Variants in CCDC180 observed in about 807,000 individuals in gnomAD.
CCDC180 encodes the protein coiled-coil domain-containing protein 180.
A neutral mutation model predicts 209.2 loss-of-function variants in CCDC180; 154 were observed. The ratio of observed to expected loss-of-function variants is 0.74; its 90% CI spans 0.65 to 0.84. CCDC180 has a LOEUF of 0.84. Among genes scored for constraint, CCDC180 ranks in the 40% least tolerant of loss-of-function variants. The pLI is 0.00. For synonymous variants in CCDC180, 778 were observed against 749.1 expected (o/e 1.04, Z -0.63); for missense variants, 1,874 against 1,997.3 (o/e 0.94, Z 1.18).
Position 97,362,315 on chromosome 9 carries a change from G to T in CCDC180, c.3776G>T (p.Cys1259Phe). The T allele has an allele frequency of 6.2e-7, 1 of 1,614,172 alleles. No homozygotes were observed. Among genetic ancestry groups the T allele is most frequent in the Admixed American group, 1.7e-5 (1 of 60,024 alleles). Reference sequence around the variant, plus strand: ...GAGGCAGGGGCTGGTGGTGCTGTGTGCTCACCTCCTGTCCTCTGCTCCTGT... The same window carrying T: ...GAGGCAGGGGCTGGTGGTGCTGTGTTCTCACCTCCTGTCCTCTGCTCCTGT... The part of the protein sequence containing the change: ...SSEAGAGGAV[C>F]SPPVLCSCPG... The change falls in exon 28 of 37, where the codon TGC (cysteine) becomes TTC (phenylalanine). Residue 1259 changes from cysteine to phenylalanine, a missense_variant. Physicochemically the swap from Cys to Phe is radical, Grantham distance 205. Coordinates refer to ENST00000529487, the MANE Select transcript of CCDC180 (RefSeq NM_020893.6).
chr9:97,334,088 G>GCATA (rs1825831359), intron 18 of CCDC180, among the ~76,000 whole-genome samples: 1 of 151,578 alleles, frequency 6.6e-6, no homozygotes, highest in Non-Finnish European at 1.5e-5. Context: ...AAGTATTTTT[G>GCATA]CATACATGTT....
At chr9:97,312,063 A>G (rs746618586) in intron 3 of CCDC180, 50 bp from the exon 4 acceptor site, 10 of 1,544,606 alleles carry the variant, frequency 6.5e-6, no homozygotes, top group Admixed American at 1.7e-5. Context: ...CAGAGCTGCC[A>G]TGGATGGCAT....
Position 97,320,128 on chromosome 9 carries a change from A to C in CCDC180, c.1082A>C (p.Asp361Ala), listed in dbSNP as rs1188536129. 14 of 1,613,568 alleles carry C rather than the reference A, an allele frequency of 8.7e-6. No homozygotes were observed. The highest frequency in any genetic ancestry group is 1.0e-5 in the Non-Finnish European group (12 of 1,179,860). Residue 361 changes from aspartate (D) to alanine (A), a missense_variant and splice_region_variant, in exon 11 of 37, where the codon GAC (aspartate) becomes GCC (alanine). Asp to Ala is a moderately radical substitution (Grantham distance 126). Transcript: ENST00000529487. ...RRLKHLCTICDLLPPSYSKTQ... is the reference protein window; with the variant it reads ...RRLKHLCTICALLPPSYSKTQ... The stretch of plus-strand genomic sequence containing the variant: ...ACTTGCTGTATCTTCCTTCCCAGTG[A>C]CCTCCTGCCCCCCAGTTACAGCAAA...
At chr9:97,370,500 C>A in intron 32 of CCDC180, 141 bp from the exon 33 acceptor site, 1 of 932,612 alleles carries the variant, frequency 1.1e-6, no homozygotes. Context: ...ACCCCTCTGC[C>A]ACTCTTCTGC....
rs1832853003 is a variant in CCDC180 at position 97,308,029 on chromosome 9, G to C, written c.-35G>C. On this transcript the variant is annotated 5_prime_UTR_variant, in exon 2 of 37. Transcript: ENST00000529487. ...AGCCTAGACGCGTTTCCTGGACGACGGCTTCCCGGCAGGGGCATCCAGCCA... is the reference window on the plus strand; with the variant it reads ...AGCCTAGACGCGTTTCCTGGACGACCGCTTCCCGGCAGGGGCATCCAGCCA... 6.2e-7 allele frequency: 1 copy of C among 1,611,912 alleles called. No individual in the cohort carries two copies. The highest frequency in any genetic ancestry group is 1.7e-5 in the Admixed American group (1 of 59,434).
chr9:97,377,024 A>T lies in CCDC180; in HGVS notation c.*130A>T. 3 of 1,038,684 alleles carry T rather than the reference A, an allele frequency of 2.9e-6. No homozygotes were observed. Among genetic ancestry groups the T allele is most frequent in the Non-Finnish European group, 4.0e-6 (3 of 741,602 alleles). The allele number at this position is 1,038,684 out of a possible 1,614,324, so 64.3% of individuals were successfully genotyped here. On this transcript the variant is annotated 3_prime_UTR_variant, in exon 37 of 37. Transcript: ENST00000529487. ...ACCCCTGCTCTGTGCCGGGCACTGT[A>T]GCTTTACCAGCGAACAGGACACAGC...
chr9:97,350,603 T>G, intron 22 of CCDC180, 48 bp downstream of exon 22: 1 of 1,523,198 alleles, frequency 6.6e-7, no homozygotes, highest in South Asian at 1.2e-5. Flanking sequence ...AGTTTCTCTA[T>G]TGGGATGTGG....
At position 97,362,303 on chromosome 9, in the gene CCDC180, G is replaced by A. The variant is rs746321110; in HGVS notation, c.3764G>A (p.Gly1255Asp). The change falls in exon 28 of 37, where the codon GGT becomes GAT. Residue 1255 changes from glycine (G) to aspartate (D), a missense_variant. Transcript: ENST00000529487. ...CGGGGCAGCAGTGAGGCAGGGGCTG[G>A]TGGTGCTGTGTGCTCACCTCCTGTC... ...GSRGSSEAGAGGAVCSPPVLC... is the reference protein window; with the variant it reads ...GSRGSSEAGADGAVCSPPVLC... The A allele has an allele frequency of 6.2e-7, 1 of 1,614,016 alleles. No homozygotes were observed. The highest frequency in any genetic ancestry group is 1.7e-5 in the Admixed American group (1 of 59,994).
intron 24 of CCDC180, among the ~76,000 whole-genome samples, chr9:97,357,291 C>T (rs1349743156): frequency 6.6e-6 from 1 of 152,142 alleles, no homozygotes; most frequent in South Asian, 2.1e-4. Context: ...CTTAGGGTGC[C>T]TCGTGGAAGC....
At chr9:97,343,294 T>C (rs377441754) in intron 18 of CCDC180, 46 bp from the exon 19 acceptor site, 3 of 1,303,124 alleles carry the variant, frequency 2.3e-6, no homozygotes, top group Non-Finnish European at 3.3e-6. Context: ...CATTCCCAAG[T>C]CCATTTGATG....
At chr9:97,322,962 GC>G (rs774922108) in intron 12 of CCDC180, 41 bp downstream of exon 12, 8 of 1,566,374 alleles carry the variant, frequency 5.1e-6, no homozygotes, top group Non-Finnish European at 7.0e-6. Flanking sequence ...GGAATCCTGG[GC>G]AGGACCTGAA....
rs1399118654 is a variant in CCDC180, at chr9:97,330,714, G to A, written c.2221G>A (p.Glu741Lys). 1 of 1,605,264 alleles carries A rather than the reference G, an allele frequency of 6.2e-7. No individual in the cohort carries two copies. The change falls in exon 18 of 37, where the codon GAG (glutamate) becomes AAG (lysine). Residue 741 changes from glutamate (E) to lysine (K), a missense_variant. Coordinates refer to ENST00000529487, the MANE Select transcript of CCDC180 (RefSeq NM_020893.6). ...EEEEEEKLEE[E>K]KEEKEAQEEQ... ...GGAGGAGGAGGAGAAGCTGGAGGAAGAGAAGGAGGAGAAGGAGGCACAGGA... is the reference window on the plus strand; with the variant it reads ...GGAGGAGGAGGAGAAGCTGGAGGAAAAGAAGGAGGAGAAGGAGGCACAGGA...
At chr9:97,347,922 C>G (rs1359471226) in intron 20 of CCDC180, among the ~76,000 whole-genome samples, 1 of 152,166 alleles carries the variant, frequency 6.6e-6, no homozygotes, top group Non-Finnish European at 1.5e-5. Context: ...TGACTCCTCT[C>G]TCACCTGCAG....
intron 32 of CCDC180, among the ~76,000 whole-genome samples, chr9:97,370,308 G>A (rs1827044123): frequency 6.6e-6 from 1 of 152,170 alleles, no homozygotes. Flanking sequence ...TAATGGGTGG[G>A]TGTGCTGGGT....
Position 97,313,228 on chromosome 9 carries a change from C to G in CCDC180, c.350-8C>G. 6.3e-7 allele frequency: 1 copy of G among 1,597,322 alleles called. No individual in the cohort carries two copies. The highest frequency in any genetic ancestry group is 1.3e-5 in the African/African-American group (1 of 74,622). On this transcript the variant is annotated splice_polypyrimidine_tract_variant and splice_region_variant and intron_variant, in intron 4 of 36. Transcript: ENST00000529487. The stretch of plus-strand genomic sequence containing the variant: ...GGCAGCCTCATCACCTCTGTTGTTG[C>G]TCCGCAGTTCCTGAGAAGATAAGCA...
chr9:97,367,916 A>G (rs1177054474), intron 31 of CCDC180, among the ~76,000 whole-genome samples: 2 of 152,202 alleles, frequency 1.3e-5, no homozygotes, highest in East Asian at 3.8e-4. Flanking sequence ...TGGTTGTTGA[A>G]TGACTGGAAT....
At position 97,333,510 on chromosome 9, in the gene CCDC180, T is replaced by G. The variant is rs907096894; in HGVS notation, c.2274+2743T>G. 5.0e-4 allele frequency among the ~76,000 whole-genome samples: 75 copies of G among 148,558 alleles called. 1 individual carries two copies. In the East Asian group the frequency reaches 8.5e-3, roughly 17 times the overall value. Reference sequence around the variant, plus strand: ...ATTTGGTCCTGGGTTTGGGTTTTTTTTTTTTTTTTTTTTTTTTTTGGTTTG... The same window carrying G: ...ATTTGGTCCTGGGTTTGGGTTTTTTGTTTTTTTTTTTTTTTTTTTGGTTTG... On this transcript the variant is annotated intron_variant, in intron 18 of 36. Coordinates refer to ENST00000529487, the MANE Select transcript of CCDC180 (RefSeq NM_020893.6).
At chr9:97,334,221 T>G (rs1254395181) in intron 18 of CCDC180, among the ~76,000 whole-genome samples, 2 of 152,178 alleles carry the variant, frequency 1.3e-5, no homozygotes, top group Non-Finnish European at 2.9e-5. Flanking sequence ...CTCACTCAGC[T>G]ACTAATGGAA....
chr9:97,368,361 T>C (rs527603137), intron 31 of CCDC180, among the ~76,000 whole-genome samples: 83 of 152,204 alleles, frequency 5.5e-4, no homozygotes, highest in Non-Finnish European at 1.1e-3. Flanking sequence ...CTCCAGGGTA[T>C]TGGGAACAAG....
Sources: gnomAD v4.1 joint callset for allele counts (sites outside exome capture counted in the v4.1 genomes callset) on GRCh38, gnomAD v4.1.1 for gene constraint, MANE v1.5 for transcripts, NCBI Gene and HGNC (gene_info 2026-07-23, HGNC 2026-07-21) for gene names.